The following MYO5C variants were observed in gnomAD, a reference collection of about 807,000 sequenced individuals.
MYO5C encodes the protein myosin VC, also known as unconventional myosin-Vc.
MYO5C carries 194 observed loss-of-function variants against 235.7 expected under a neutral mutation model. The ratio of observed to expected loss-of-function variants is 0.82; its 90% confidence interval spans 0.73 to 0.93. MYO5C has a LOEUF of 0.93. MYO5C is among the 40% of genes least tolerant of loss of function. The probability of loss-of-function intolerance (pLI) is 0.00; values close to 1 mark genes in which losing one functional copy is unlikely to be tolerated. For synonymous variants in MYO5C, 707 were observed against 754.8 expected, an observed-to-expected ratio of 0.94 and a Z score of 1.04; for missense variants, 2,038 against 2,127.2, an observed-to-expected ratio of 0.96 and a Z score of 0.82.
rs1305615669 is a variant in MYO5C, at chr15:52,256,703, A to G, written c.1331T>C (p.Val444Ala). The change falls in exon 11 of 41, where the codon GTG becomes GCG. Residue 444 changes from valine to alanine, a missense_variant. Val to Ala is a moderately conservative substitution (Grantham distance 64). Transcript: ENST00000261839. ...LDIYGFETFD[V>A]NSFEQFCINY... ...GATGCAAAATTGTTCAAAGCTGTTCACATCAAAGGTTTCAAAACTGAAATA... is the reference window on the plus strand; with the variant it reads ...GATGCAAAATTGTTCAAAGCTGTTCGCATCAAAGGTTTCAAAACTGAAATA... 6.2e-7 allele frequency: 1 copy of G among 1,613,140 alleles called. No individual in the cohort carries two copies. Among genetic ancestry groups the G allele is most frequent in the Admixed American group, 1.7e-5 (1 of 59,912 alleles).
At position 52,192,326 on chromosome 15, in the gene MYO5C, GTAAT is replaced by G. The variant is rs1317778670; in HGVS notation, c.*1572_*1575del. 1 of 152,090 alleles carries G rather than the reference GTAAT, an allele frequency of 6.6e-6. No homozygotes were observed. Among genetic ancestry groups the G allele is most frequent in the Non-Finnish European group, 1.5e-5 (1 of 68,016 alleles). The allele number at this position is 152,090 out of a possible 1,614,324, so 9.4% of individuals were successfully genotyped here. A position where few individuals can be genotyped will look rare whatever the true frequency, so the allele number is the denominator to read the frequency against. On this transcript the variant is annotated 3_prime_UTR_variant, in exon 41 of 41. Transcript: ENST00000261839. ...GAAAGAATCTGACCCAATTCATTTG[GTAAT>G]TAATTTTATTGATTAAAGTATTACA...
At chr15:52,221,943 G>C (rs2035698096) in intron 29 of MYO5C, among the ~76,000 whole-genome samples, 1 of 152,144 alleles carries the variant, frequency 6.6e-6, no homozygotes, top group Non-Finnish European at 1.5e-5. Flanking sequence ...GCATTTAGTA[G>C]AAACCATACT....
intron 4 of MYO5C, chr15:52,277,120 C>T (rs1468520655): frequency 2.0e-6 from 1 of 510,246 alleles, no homozygotes; most frequent in Non-Finnish European, 4.0e-6. Context: ...AGTGAAATGA[C>T]ATGCTCAGTG....
chr15:52,215,609 C>T (rs542504270), intron 32 of MYO5C, among the ~76,000 whole-genome samples: 11 of 152,230 alleles, frequency 7.2e-5, no homozygotes, highest in South Asian at 6.2e-4. Context: ...TTAGAAGTGG[C>T]GGTGTCAGTA....
chr15:52,223,756 A>G (rs1291435602), intron 28 of MYO5C, 32 bp from the exon 29 acceptor site: 1 of 1,595,496 alleles, frequency 6.3e-7, no homozygotes, highest in Non-Finnish European at 8.6e-7. Flanking sequence ...AATAAACCAC[A>G]TGGCCTTTGT....
At chr15:52,204,740 A>T in intron 38 of MYO5C, 125 bp downstream of exon 38, 1 of 1,189,070 alleles carries the variant, frequency 8.4e-7, no homozygotes, top group Non-Finnish European at 1.2e-6. Context: ...GAATATCCCT[A>T]CAGCAGTAGG....
chr15:52,208,117 C>T (rs142749880), intron 36 of MYO5C, among the ~76,000 whole-genome samples: 44 of 152,242 alleles, frequency 2.9e-4, no homozygotes, highest in Non-Finnish European at 5.4e-4. Flanking sequence ...TCTGTGAGTA[C>T]TTGAAGGTGG....
rs766576846 is a variant in MYO5C, at chr15:52,218,634, T to C, written c.3839A>G (p.Asp1280Gly). Residue 1280 changes from aspartate (D) to glycine (G), a missense_variant, in exon 32 of 41, where the codon GAT becomes GGT. Physicochemically the swap from Asp to Gly is moderately conservative, Grantham distance 94. Transcript: ENST00000261839. ...IHTKEKEKLI[D>G]KIQEMQEASD... ...GGCCTCCTGCATTTCTTGAATCTTA[T>C]CAATCAGCTTCTCCTTCTCTTTGGT... 5.6e-6 allele frequency: 9 copies of C among 1,614,204 alleles called. No homozygotes were observed. In the African/African-American group the frequency reaches 6.7e-5, roughly 12 times the overall value.
intron 1 of MYO5C, among the ~76,000 whole-genome samples, chr15:52,291,899 T>C (rs1452809403): frequency 4.6e-5 from 7 of 151,628 alleles, no homozygotes; most frequent in Admixed American, 2.0e-4. Flanking sequence ...CCACCACGCC[T>C]GGCTAATTTT....
At chr15:52,286,206 C>T (rs2037265016) in intron 1 of MYO5C, among the ~76,000 whole-genome samples, 1 of 151,728 alleles carries the variant, frequency 6.6e-6, no homozygotes, top group South Asian at 2.1e-4. Context: ...GCAGCCGCCC[C>T]GTCCGGGAGG....
At chr15:52,295,356 C>T (rs1014167224) in intron 1 of MYO5C, among the ~76,000 whole-genome samples, 1 of 152,178 alleles carries the variant, frequency 6.6e-6, no homozygotes, top group Non-Finnish European at 1.5e-5. Context: ...GGCACCCAGG[C>T]GCAGCGGAGC....
At chr15:52,208,493 T>C (rs1429888940) in intron 36 of MYO5C, 61 bp downstream of exon 36, 4 of 1,496,012 alleles carry the variant, frequency 2.7e-6, no homozygotes, top group East Asian at 2.3e-5. Flanking sequence ...GAGCTCTGGC[T>C]CAGGAGGAGG....
At chr15:52,197,678 C>G (rs552858747) in intron 38 of MYO5C, among the ~76,000 whole-genome samples, 17 of 152,112 alleles carry the variant, frequency 1.1e-4, no homozygotes, top group Non-Finnish European at 2.5e-4. Context: ...ATCACCCAGG[C>G]GGGAGTACAG....
At position 52,196,534 on chromosome 15, in the gene MYO5C, T is replaced by C. The variant is rs747883155; in HGVS notation, c.4821-51A>G. Reference sequence around the variant, plus strand: ...GAATACTTTAGGGAAGGGTGCCAGATACTCCTGTGTGTCCCGAGAGGGTAC... The same window carrying C: ...GAATACTTTAGGGAAGGGTGCCAGACACTCCTGTGTGTCCCGAGAGGGTAC... On this transcript the variant is annotated intron_variant, in intron 38 of 40. Coordinates refer to ENST00000261839, the MANE Select transcript of MYO5C (RefSeq NM_018728.4). 1.3e-5 allele frequency: 20 copies of C among 1,557,736 alleles called. No homozygotes were observed. The East Asian group carries it at 4.0e-4, about 31-fold the overall frequency.
intron 5 of MYO5C, among the ~76,000 whole-genome samples, chr15:52,275,016 C>A (rs932364440): frequency 2.0e-5 from 3 of 152,232 alleles, no homozygotes; most frequent in Admixed American, 1.3e-4. Flanking sequence ...TCTCCTCACC[C>A]CCCTGGGCAC....
At chr15:52,276,521 A>G (rs911236386) in intron 4 of MYO5C, among the ~76,000 whole-genome samples, 4 of 152,212 alleles carry the variant, frequency 2.6e-5, no homozygotes, top group Non-Finnish European at 5.9e-5. Context: ...TTCAGCATAA[A>G]GCACATTATT....
chr15:52,205,846 T>C lies in MYO5C; in HGVS notation c.4507A>G (p.Ile1503Val), dbSNP rs892003732. Residue 1503 changes from isoleucine to valine, a missense_variant, in exon 37 of 41, where the codon ATA (isoleucine) becomes GTA (valine). Ile to Val is a conservative substitution (Grantham distance 29). Transcript: ENST00000261839. ...AIRIYHQFII[I>V]MEKNIQPIIV... Reference sequence around the variant, plus strand: ...ATCGGTTGGATATTCTTTTCCATTATGATAATAAATTGATGATATATTCGT... The same window carrying C: ...ATCGGTTGGATATTCTTTTCCATTACGATAATAAATTGATGATATATTCGT... 3 of 1,577,586 alleles carry C rather than the reference T, an allele frequency of 1.9e-6. No homozygotes were observed. Among genetic ancestry groups the C allele is most frequent in the Non-Finnish European group, 2.6e-6 (3 of 1,156,526 alleles).
chr15:52,260,998 G>A lies in MYO5C; in HGVS notation c.1177C>T (p.Gln393Ter), dbSNP rs1409990318. Residue 393 changes from glutamine (Q) to a stop codon, truncating the protein, a stop_gained, in exon 10 of 41, where the codon CAG (glutamine) becomes TAG (stop). Transcript: ENST00000261839. LOFTEE classifies it high-confidence loss of function. ...AGTGCATCCCTGGCGTTGACAGCCT[G>A]AGGCCTGGTCATGGGTTTTACCACC... The part of the protein sequence containing the change: ...ETVVKPMTRP[Q>*]AVNARDALAK... 4.3e-6 allele frequency: 7 copies of A among 1,614,238 alleles called. No homozygotes were observed. The South Asian group carries it at 7.7e-5, about 18-fold the overall frequency.
Position 52,275,600 on chromosome 15 carries a change from C to T in MYO5C, c.568G>A (p.Val190Met), listed in dbSNP as rs754009077. The stretch of plus-strand genomic sequence containing the variant: ...TTGGATGCCAGGACCTTGTCTTCCA[C>T]GTGAGCGTTGCTGCCCGATTTGCTG... ...TVSKSGSNAHVEDKVLASNPI... is the reference protein window; with the variant it reads ...TVSKSGSNAHMEDKVLASNPI... Residue 190 changes from valine to methionine, a missense_variant, in exon 5 of 41, where the codon GTG becomes ATG. By Grantham distance (21) the Val-to-Met change is conservative. Transcript: ENST00000261839. 19 of 1,614,110 alleles carry T rather than the reference C, an allele frequency of 1.2e-5. No homozygotes were observed. Among genetic ancestry groups the T allele is most frequent in the East Asian group, 4.5e-5 (2 of 44,902 alleles).
Sources: gnomAD v4.1 joint callset for allele counts (sites outside exome capture counted in the v4.1 genomes callset) on GRCh38, gnomAD v4.1.1 for gene constraint, MANE v1.5 for transcripts, NCBI Gene and HGNC (gene_info 2026-07-23, HGNC 2026-07-21) for gene names.